Variants in UTP20 observed in about 807,000 individuals in gnomAD.
UTP20 encodes the protein UTP20 small subunit processome component, also known as small subunit processome component 20 homolog.
A neutral mutation model predicts 329.5 loss-of-function variants in UTP20; 164 were observed. The ratio of observed to expected loss-of-function variants is 0.50; its 90% confidence interval spans 0.44 to 0.57. The LOEUF (loss-of-function observed/expected upper bound fraction) is 0.57. UTP20 is among the 20% of genes least tolerant of loss of function. UTP20 has a pLI of 0.00. For missense variants in UTP20, 3,055 were observed against 3,284.2 expected (o/e 0.93, Z 1.71); for synonymous variants, 1,151 against 1,159.3 (o/e 0.99, Z 0.14).
chr12:101,284,418 G>A (rs887044533), intron 2 of UTP20, among the ~76,000 whole-genome samples: 7 of 152,052 alleles, frequency 4.6e-5, no homozygotes, highest in Non-Finnish European at 8.8e-5. Context: ...CAAAGGACAC[G>A]ATTTCATTCT....
chr12:101,360,645 T>C (rs1465962432), intron 43 of UTP20, among the ~76,000 whole-genome samples: 1 of 152,110 alleles, frequency 6.6e-6, no homozygotes, highest in South Asian at 2.1e-4. Context: ...GCCAACATGC[T>C]GAAACCCTGT....
intron 58 of UTP20, 64 bp from the exon 59 acceptor site, chr12:101,382,977 A>G: frequency 6.5e-7 from 1 of 1,536,544 alleles, no homozygotes; most frequent in Non-Finnish European, 8.7e-7. Context: ...CTTATGCTCT[A>G]CTAAGCCTTA....
chr12:101,305,871 G>A, intron 15 of UTP20, 44 bp from the exon 16 acceptor site: 1 of 1,515,574 alleles, frequency 6.6e-7, no homozygotes, highest in Non-Finnish European at 8.9e-7. Flanking sequence ...TAGATACTCT[G>A]GGTTATATGG....
At chr12:101,374,571 A>C (rs1020155322) in intron 54 of UTP20, among the ~76,000 whole-genome samples, 3 of 152,238 alleles carry the variant, frequency 2.0e-5, no homozygotes, top group Admixed American at 2.0e-4. Flanking sequence ...AAAAAATTAA[A>C]GTATTCACTG....
intron 19 of UTP20, among the ~76,000 whole-genome samples, chr12:101,311,031 G>T (rs1228163053): frequency 2.0e-5 from 3 of 152,210 alleles, no homozygotes; most frequent in African/African-American, 7.2e-5. Context: ...ATTCTCCCTA[G>T]TGGCTGGGCT....
chr12:101,339,348 T>A (rs895789812), intron 31 of UTP20, among the ~76,000 whole-genome samples: 2 of 151,888 alleles, frequency 1.3e-5, no homozygotes, highest in Non-Finnish European at 2.9e-5. Flanking sequence ...TTAAAAAAAA[T>A]TATTATCTTG....
intron 8 of UTP20, 101 bp from the exon 9 acceptor site, chr12:101,291,641 C>A: frequency 8.1e-7 from 1 of 1,237,052 alleles, no homozygotes; most frequent in Non-Finnish European, 1.1e-6. Context: ...TCTTCCAAAG[C>A]AAGAGAATGG....
In UTP20 at chr12:101,312,217, C is replaced by T. The variant is rs753321104; in HGVS notation, c.2493C>T (p.Phe831=). ...TGCTCTGGAGAGCTCTGACCAAATT[C>T]CCAGAAAGAGTAGAGCCACGGTCCA... The part of the protein sequence containing the change: ...RFLLWRALTK[F]PERVEPRSRE... Residue 831 remains phenylalanine, a synonymous_variant, in exon 21 of 62, where the codon TTC becomes TTT. Transcript: ENST00000261637. The T allele has an allele frequency of 6.2e-6, 10 of 1,614,058 alleles. No homozygotes were observed. In the South Asian group the frequency reaches 8.8e-5, roughly 14 times the overall value.
chr12:101,344,537 T>C (rs1246510905), intron 35 of UTP20, 58 bp from the exon 36 acceptor site: 2 of 819,184 alleles, frequency 2.4e-6, no homozygotes, highest in African/African-American at 3.4e-5. Flanking sequence ...TGGGAAGTAA[T>C]ATTCCATATT....
chr12:101,371,666 T>C (rs1205341456), intron 51 of UTP20, among the ~76,000 whole-genome samples: 2 of 151,330 alleles, frequency 1.3e-5, no homozygotes, highest in East Asian at 3.9e-4. Flanking sequence ...CCTGAGTAGC[T>C]GGGACTACAG....
chr12:101,366,525 C>T, intron 46 of UTP20, 33 bp from the exon 47 acceptor site: 1 of 1,595,260 alleles, frequency 6.3e-7, no homozygotes, highest in Non-Finnish European at 8.5e-7. Flanking sequence ...TGACAGTGTT[C>T]TTTACCCTCT....
At chr12:101,305,722 C>T (rs1872628429) in intron 15 of UTP20, among the ~76,000 whole-genome samples, 193 bp from the exon 16 acceptor site, 1 of 151,620 alleles carries the variant, frequency 6.6e-6, no homozygotes, top group Non-Finnish European at 1.5e-5. Flanking sequence ...AGCTGTGTGT[C>T]CTTGCATATG....
rs763876486 is a variant in UTP20 at position 101,383,144 on chromosome 12, C to T, written c.7760C>T (p.Ala2587Val). 3 of 1,613,676 alleles carry T rather than the reference C, an allele frequency of 1.9e-6. No homozygotes were observed. Among genetic ancestry groups the T allele is most frequent in the African/African-American group, 1.3e-5 (1 of 74,836 alleles). Residue 2587 changes from alanine to valine, a missense_variant, in exon 59 of 62, where the codon GCT becomes GTT. Coordinates refer to ENST00000261637, the MANE Select transcript of UTP20 (RefSeq NM_014503.3). ...AAAGAAGACCTGGAAGAACAAGAAGCTTTAGAAGATGGTGTGGCCTGTGCA... is the reference window on the plus strand; with the variant it reads ...AAAGAAGACCTGGAAGAACAAGAAGTTTTAGAAGATGGTGTGGCCTGTGCA... ...KIKEDLEEQE[A>V]LEDGVACADE...
chr12:101,386,200 TA>T lies in UTP20; in HGVS notation c.*78del, dbSNP rs779992132. On this transcript the variant is annotated 3_prime_UTR_variant, in exon 62 of 62. Coordinates refer to ENST00000261637, the MANE Select transcript of UTP20 (RefSeq NM_014503.3). ...TGAAATTACAGTAGGTTGTCTGGGG[TA>T]GGGGGGAGGCGTTTTTTTTTTTTTT... The T allele has an allele frequency of 5.6e-6, 8 of 1,433,890 alleles. No homozygotes were observed. The highest frequency in any genetic ancestry group is 7.5e-6 in the Non-Finnish European group (8 of 1,060,008). The allele number at this position is 1,433,890 out of a possible 1,614,324, so 88.8% of individuals were successfully genotyped here. A position where few individuals can be genotyped will look rare whatever the true frequency, so the allele number is the denominator to read the frequency against.
Position 101,342,539 on chromosome 12 carries a change from T to C in UTP20, c.4195T>C (p.Ser1399Pro). ...SFLKPIAKLF[S>P]VIKNKLSRKL... is the part of the protein sequence containing the mutation. ...CCTCAAGCCTATAGCAAAACTTTTC[T>C]CAGTTATTAAGAACAAATTGTCAAG... The change falls in exon 33 of 62, where the codon TCA (serine) becomes CCA (proline). Residue 1399 changes from serine to proline, a missense_variant. By Grantham distance (74) the Ser-to-Pro change is moderately conservative. Coordinates refer to ENST00000261637, the MANE Select transcript of UTP20 (RefSeq NM_014503.3). The C allele has an allele frequency of 1.2e-6, 2 of 1,613,838 alleles. No individual in the cohort carries two copies. The highest frequency in any genetic ancestry group is 1.7e-6 in the Non-Finnish European group (2 of 1,179,882).
At chr12:101,357,650 AG>A (rs1159644743) in intron 43 of UTP20, among the ~76,000 whole-genome samples, 1 of 152,140 alleles carries the variant, frequency 6.6e-6, no homozygotes, top group Non-Finnish European at 1.5e-5. Flanking sequence ...GCTACTCAGG[AG>A]GCTGAGGTGG....
At chr12:101,385,527 G>A (rs1593459490) in intron 60 of UTP20, 56 bp from the exon 61 acceptor site, 1 of 1,559,426 alleles carries the variant, frequency 6.4e-7, no homozygotes, top group East Asian at 2.3e-5. Flanking sequence ...TTTTGTTGAT[G>A]TTCAAATGTG....
chr12:101,341,595 A>G (rs1473484797), intron 32 of UTP20, among the ~76,000 whole-genome samples: 1 of 152,204 alleles, frequency 6.6e-6, no homozygotes, highest in Non-Finnish European at 1.5e-5. Context: ...AAATAACAAT[A>G]TAATTATAAA....
At chr12:101,346,720 T>A in intron 38 of UTP20, 132 bp downstream of exon 38, 1 of 861,662 alleles carries the variant, frequency 1.2e-6, no homozygotes, top group African/African-American at 1.7e-5. Flanking sequence ...AGTTCTAAAG[T>A]TCTTAGAACT....
Sources: gnomAD v4.1 joint callset for allele counts (sites outside exome capture counted in the v4.1 genomes callset) on GRCh38, gnomAD v4.1.1 for gene constraint, MANE v1.5 for transcripts, NCBI Gene and HGNC (gene_info 2026-07-23, HGNC 2026-07-21) for gene names.